The following ARL10 variants were observed in gnomAD, a reference collection of about 807,000 sequenced individuals.
ARL10 encodes ARF like GTPase 10, also known as ADP-ribosylation factor-like protein 10.
Under a neutral mutation model 26.1 loss-of-function variants are expected in ARL10, and 23 were observed. The ratio of observed to expected loss-of-function variants is 0.88; its 90% CI spans 0.63 to 1.25. The LOEUF (loss-of-function observed/expected upper bound fraction) is 1.25. ARL10 is among the 50% of genes most tolerant of loss of function. The pLI is 0.00. For synonymous variants in ARL10, 138 were observed against 149.1 expected, an observed-to-expected ratio of 0.93 and a Z score of 0.54; for missense variants, 300 against 323.6, an observed-to-expected ratio of 0.93 and a Z score of 0.56.
At chr5:176,386,677 G>A (rs1561782979), downstream of ARL10, 2 of 723,370 alleles carry the variant, frequency 2.8e-6, no homozygotes, top group Non-Finnish European at 5.1e-6. Context: ...AATGAAAAAT[G>A]AGCCAGCCAG....
Position 176,368,179 on chromosome 5 carries a change from G to T in ARL10, c.386-628G>T. 5.1e-6 allele frequency: 2 copies of T among 395,162 alleles called. No individual in the cohort carries two copies. Among genetic ancestry groups the T allele is most frequent in the Non-Finnish European group, 9.9e-6 (2 of 202,412 alleles). The allele number at this position is 395,162 out of a possible 1,614,324, so 24.5% of individuals were successfully genotyped here. ...GAAAAGAAAGGTGATCCAGGCTGGGGGACTGTGTTGGCAACCATGTGTTCA... is the reference window on the plus strand; with the variant it reads ...GAAAAGAAAGGTGATCCAGGCTGGGTGACTGTGTTGGCAACCATGTGTTCA... On this transcript the variant is annotated intron_variant, in intron 2 of 3. Transcript: ENST00000310389. The surrounding 1 kb of genome is among the most constrained non-coding windows in gnomAD (Gnocchi z 4.1).
intron 1 of ARL10, 74 bp from the exon 2 acceptor site, chr5:176,366,306 G>T: frequency 6.6e-7 from 1 of 1,510,312 alleles, no homozygotes; most frequent in Admixed American, 2.0e-5. Flanking sequence ...GGGCCCTCTG[G>T]TGCCTTCGGT....
chr5:176,392,630 G>T, downstream of ARL10: 1 of 919,944 alleles, frequency 1.1e-6, no homozygotes, highest in Non-Finnish European at 1.6e-6. This position sits in a 1 kb window ranked among gnomAD's most constrained non-coding sequence, Gnocchi z 5.2. Context: ...TGGGGTGAGG[G>T]CCCCCCTCCC....
At chr5:176,365,778 G>A in intron 1 of ARL10, 32 bp downstream of exon 1, 1 of 1,232,430 alleles carries the variant, frequency 8.1e-7, no homozygotes, top group African/African-American at 1.6e-5. Context: ...GCGGAAGGGC[G>A]GGCAGGCTGG....
downstream of ARL10, chr5:176,406,047 A>G (rs1406727945): frequency 1.7e-6 from 1 of 599,322 alleles, no homozygotes; most frequent in Non-Finnish European, 2.1e-6. Flanking sequence ...AGAAGCAGTC[A>G]CCACTCATTA....
chr5:176,408,147 T>C, the ARL10 span, among the ~76,000 whole-genome samples: 2 of 151,848 alleles, frequency 1.3e-5, no homozygotes, highest in Non-Finnish European at 2.9e-5. Context: ...AATGGATTTG[T>C]GTGTATGCAA....
the ARL10 span, among the ~76,000 whole-genome samples, chr5:176,408,687 A>G: frequency 6.6e-6 from 1 of 152,176 alleles, no homozygotes; most frequent in Non-Finnish European, 1.5e-5. Context: ...TGCCCCAGCT[A>G]ATTTTTCATT....
intron 3 of ARL10, among the ~76,000 whole-genome samples, chr5:176,370,984 C>A (rs964927043): frequency 3.9e-5 from 6 of 152,210 alleles, no homozygotes; most frequent in African/African-American, 1.2e-4. Context: ...GATGTCACCT[C>A]CCTGAGCTAC....
At position 176,374,113 on chromosome 5, in the gene ARL10, G is replaced by C. The variant is rs1768624033; in HGVS notation, c.*2218G>C. The C allele has an allele frequency of 6.6e-6, 1 of 152,190 alleles. No homozygotes were observed. Among genetic ancestry groups the C allele is most frequent in the Non-Finnish European group, 1.5e-5 (1 of 68,038 alleles). 9.4% of individuals were successfully genotyped at this position (152,190 alleles called of 1,614,324 possible). A position where few individuals can be genotyped will look rare whatever the true frequency, so the allele number is the denominator to read the frequency against. ...TCAGCCGACGATTGACTGAAGGTTT[G>C]GCTGCTGTGATTGGCTAAAATTCGG... On this transcript the variant is annotated 3_prime_UTR_variant, in exon 4 of 4. Coordinates refer to ENST00000310389, the MANE Select transcript of ARL10 (RefSeq NM_173664.6).
chr5:176,368,705 T>TG lies in ARL10; in HGVS notation c.386-97dup. ...CAGTGAGCGGGGGCCCGGGGTGGGGTGGGGGCTGTGGGCAGTGAGCGGGGG... is the reference window on the plus strand; with the variant it reads ...CAGTGAGCGGGGGCCCGGGGTGGGGTGGGGGGCTGTGGGCAGTGAGCGGGGG... On this transcript the variant is annotated intron_variant, in intron 2 of 3. Transcript: ENST00000310389. The surrounding 1 kb of genome is among the most constrained non-coding windows in gnomAD (Gnocchi z 4.1). 1.8e-6 allele frequency: 2 copies of TG among 1,132,380 alleles called. No homozygotes were observed. The highest frequency in any genetic ancestry group is 2.2e-6 in the Non-Finnish European group (2 of 893,356). 70.1% of individuals were successfully genotyped at this position (1,132,380 alleles called of 1,614,324 possible). A position where few individuals can be genotyped will look rare whatever the true frequency, so the allele number is the denominator to read the frequency against.
the ARL10 span, among the ~76,000 whole-genome samples, chr5:176,414,569 T>C: frequency 2.0e-5 from 3 of 151,984 alleles, no homozygotes; most frequent in African/African-American, 7.3e-5. Flanking sequence ...CCCGAGCAGC[T>C]GGAACTACAA....
the ARL10 span, among the ~76,000 whole-genome samples, chr5:176,413,206 T>C: frequency 6.6e-6 from 1 of 152,068 alleles, no homozygotes; most frequent in Non-Finnish European, 1.5e-5. Context: ...AGAACAGGAC[T>C]GAGACAGAGA....
intron 1 of ARL10, among the ~76,000 whole-genome samples, chr5:176,399,386 C>G (rs1756701718): frequency 6.6e-6 from 1 of 152,208 alleles, no homozygotes; most frequent in African/African-American, 2.4e-5. Context: ...ACCTCTGATA[C>G]TATGAAATGT....
rs2303666 is a variant in ARL10 at position 176,366,529 on chromosome 5, C to T, written c.333C>T (p.Gly111=). ...TGGAAGGCCACATCCCCACCTGGGG[C>T]TTCAACTCCGTGCGTCTGCCCACCA... ...PPLEGHIPTW[G]FNSVRLPTKD... Residue 111 remains glycine, a synonymous_variant, in exon 2 of 4, where the codon GGC becomes GGT. Transcript: ENST00000310389. 0.13 allele frequency: 212,880 copies of T among 1,614,030 alleles called. 14,448 individuals carry two copies. The highest frequency in any genetic ancestry group is 0.15 in the Admixed American group (9,231 of 60,018).
downstream of ARL10, chr5:176,401,960 G>A (rs1581433099): frequency 8.8e-6 from 3 of 340,114 alleles, no homozygotes; most frequent in South Asian, 2.2e-5. Context: ...CAAAATGCCC[G>A]AATGACCTAT....
downstream of ARL10, chr5:176,401,898 C>T (rs539970134): frequency 1.0e-5 from 4 of 389,984 alleles, no homozygotes; most frequent in African/African-American, 2.1e-5. Context: ...CTGCCCTCAC[C>T]GCCCCTGGCC....
exon 2 of ARL10, chr5:176,388,542 C>G: frequency 6.2e-7 from 1 of 1,606,728 alleles, no homozygotes; most frequent in African/African-American, 1.3e-5. Flanking sequence ...TTGGGCATCG[C>G]GCTGACCACC....
At chr5:176,413,997 C>T in the ARL10 span, among the ~76,000 whole-genome samples, 1 of 152,218 alleles carries the variant, frequency 6.6e-6, no homozygotes, top group East Asian at 1.9e-4. Flanking sequence ...AAGGACAGAA[C>T]TTGCCATCCA....
At chr5:176,399,862 A>G (rs13175787) in intron 1 of ARL10, among the ~76,000 whole-genome samples, 14,173 of 149,208 alleles carry the variant, frequency 0.095, 801 homozygotes, top group African/African-American at 0.13. Context: ...TGGGCCACAG[A>G]GTGAGACTTG....
Sources: allele counts gnomAD v4.1 joint callset (sites outside exome capture counted in the v4.1 genomes callset), GRCh38; gene constraint gnomAD v4.1.1; non-coding constraint Gnocchi (gnomAD v3.1); transcripts MANE v1.5; gene names NCBI Gene and HGNC (gene_info 2026-07-23, HGNC 2026-07-21).